Variants in BBS9 observed in about 807,000 individuals in gnomAD.
BBS9 encodes the protein Bardet-Biedl syndrome 9.
A neutral mutation model predicts 117.7 loss-of-function variants in BBS9; 89 were observed. The observed-to-expected ratio is 0.76, with a 90% confidence interval of 0.64 to 0.90. The LOEUF is 0.90. Among genes scored for constraint, BBS9 ranks in the 40% least tolerant of loss-of-function variants. The pLI is 0.00. For missense variants in BBS9, 982 were observed against 1,042.2 expected, an observed-to-expected ratio of 0.94 and a Z score of 0.80; for synonymous variants, 379 against 370.9, an observed-to-expected ratio of 1.02 and a Z score of -0.25.
chr7:33,169,495 T>C (rs932922917), intron 4 of BBS9, among the ~76,000 whole-genome samples: 1 of 150,970 alleles, frequency 6.6e-6, no homozygotes, highest in Non-Finnish European at 1.5e-5. Flanking sequence ...TTTTTAATGA[T>C]TGCCATTCTA....
Position 33,329,846 on chromosome 7 carries a change from TA to T in BBS9, c.1017-6591del, listed in dbSNP as rs1813633950. ...TCAAATATACCTTTTTAAAAAGTTT[TA>T]AAATGTACATTTTTTGATTTTGAAA... On this transcript the variant is annotated intron_variant, in intron 9 of 22. Coordinates refer to ENST00000242067, the MANE Select transcript of BBS9 (RefSeq NM_198428.3). Among the ~76,000 whole-genome samples the T allele has an allele frequency of 2.0e-5, 3 of 152,308 alleles. No individual in the cohort carries two copies. The South Asian group carries it at 6.2e-4, about 32-fold the overall frequency.
intron 4 of BBS9, among the ~76,000 whole-genome samples, chr7:33,168,330 A>T (rs1274911129): frequency 6.6e-6 from 1 of 151,854 alleles, no homozygotes; most frequent in African/African-American, 2.4e-5. Context: ...AATTACAAGA[A>T]TTTTTTTTTG....
rs370477043 is a variant in BBS9 at position 33,293,526 on chromosome 7, T to C, written c.1016+19570T>C. ...GACTTGTATTGTTTCTATTGAAATA[T>C]TGTTTCTGGAGGTCCCATGATGTCA... On this transcript the variant is annotated intron_variant, in intron 9 of 22. Coordinates refer to ENST00000242067, the MANE Select transcript of BBS9 (RefSeq NM_198428.3). 3.9e-5 allele frequency among the ~76,000 whole-genome samples: 6 copies of C among 152,240 alleles called. No homozygotes were observed. The East Asian group carries it at 7.7e-4, about 20-fold the overall frequency.
chr7:33,329,311 G>A (rs1345596695), intron 9 of BBS9, among the ~76,000 whole-genome samples: 9 of 152,074 alleles, frequency 5.9e-5, no homozygotes, highest in Non-Finnish European at 1.2e-4. Flanking sequence ...GTGAGCCACC[G>A]TGCCTGGCCC....
At chr7:33,467,815 G>A (rs1212143563) in intron 19 of BBS9, among the ~76,000 whole-genome samples, 2 of 148,170 alleles carry the variant, frequency 1.3e-5, no homozygotes, top group Non-Finnish European at 3.0e-5. Flanking sequence ...GTGCCTAGGT[G>A]AAACACTGGT....
chr7:33,262,935 GGATACT>G lies in BBS9; in HGVS notation c.618-1354_618-1349del, dbSNP rs538866962. ...TGCATACCTTCTGTTAATTAGCACA[GGATACT>G]CTGAGTTATACTTAGCTGTCTGTAT... On this transcript the variant is annotated intron_variant, in intron 6 of 22. Transcript: ENST00000242067. Among the ~76,000 whole-genome samples the G allele has an allele frequency of 3.8e-3, 572 of 152,252 alleles. 1 individual carries two copies. The highest frequency in any genetic ancestry group is 6.5e-3 in the Non-Finnish European group (444 of 68,012).
chr7:33,630,848 C>T (rs896031246), intron 21 of BBS9, among the ~76,000 whole-genome samples: 1 of 152,170 alleles, frequency 6.6e-6, no homozygotes, highest in African/African-American at 2.4e-5. Context: ...ACATTCATCT[C>T]ATAAATATTT....
intron 19 of BBS9, among the ~76,000 whole-genome samples, chr7:33,486,544 T>C (rs1843136921): frequency 6.6e-6 from 1 of 152,248 alleles, no homozygotes; most frequent in South Asian, 2.1e-4. Context: ...AATTGTATCA[T>C]TTCATATTTT....
At chr7:33,248,044 A>G (rs997076156) in intron 5 of BBS9, among the ~76,000 whole-genome samples, 3 of 152,234 alleles carry the variant, frequency 2.0e-5, no homozygotes, top group African/African-American at 4.8e-5. Flanking sequence ...AAAATTTGCT[A>G]TTAAAATTAG....
intron 20 of BBS9, among the ~76,000 whole-genome samples, chr7:33,520,136 G>A (rs61552776): frequency 0.062 from 9,455 of 151,806 alleles, 505 homozygotes; most frequent in African/African-American, 0.15. Flanking sequence ...AGCCTCTTGA[G>A]TAGCTGGGAT....
At chr7:33,294,738 G>T (rs1189139578) in intron 9 of BBS9, among the ~76,000 whole-genome samples, 1 of 152,174 alleles carries the variant, frequency 6.6e-6, no homozygotes, top group Non-Finnish European at 1.5e-5. Context: ...TTATATTCAT[G>T]AAGCCAAATT....
intron 13 of BBS9, among the ~76,000 whole-genome samples, chr7:33,349,709 G>A (rs898350913): frequency 1.3e-5 from 2 of 152,170 alleles, no homozygotes; most frequent in Admixed American, 1.3e-4. Context: ...AAGATTACAA[G>A]CGTGAGCCAC....
chr7:33,454,980 C>T (rs1427624310), intron 19 of BBS9, among the ~76,000 whole-genome samples: 1 of 152,150 alleles, frequency 6.6e-6, no homozygotes, highest in Non-Finnish European at 1.5e-5. Flanking sequence ...AGCTGTAAGA[C>T]CACTGGCAAG....
At chr7:33,138,657 C>T in intron 1 of BBS9, among the ~76,000 whole-genome samples, 1 of 150,968 alleles carries the variant, frequency 6.6e-6, no homozygotes, top group East Asian at 2.2e-4. Flanking sequence ...TTTTAAGAGA[C>T]AGGGTCTGGC....
intron 19 of BBS9, among the ~76,000 whole-genome samples, chr7:33,453,778 C>A (rs535285926): frequency 6.6e-6 from 1 of 152,154 alleles, no homozygotes; most frequent in Non-Finnish European, 1.5e-5. Context: ...CCTCGGCCTC[C>A]CAAAGTGCTG....
At chr7:33,559,666 G>T (rs1206391876) in intron 21 of BBS9, among the ~76,000 whole-genome samples, 1 of 152,048 alleles carries the variant, frequency 6.6e-6, no homozygotes, top group African/African-American at 2.4e-5. Flanking sequence ...CTTATATTAT[G>T]CAACCCCTAT....
chr7:33,514,476 C>G (rs369124006), intron 20 of BBS9, among the ~76,000 whole-genome samples: 7 of 152,176 alleles, frequency 4.6e-5, no homozygotes, highest in African/African-American at 4.8e-5. Flanking sequence ...CTGAGGTGCT[C>G]AGAACCACAG....
chr7:33,175,008 T>C (rs1277074440), intron 4 of BBS9, among the ~76,000 whole-genome samples: 1 of 152,208 alleles, frequency 6.6e-6, no homozygotes, highest in East Asian at 1.9e-4. Flanking sequence ...TATTGGTATA[T>C]AAAATCTATT....
intron 19 of BBS9, among the ~76,000 whole-genome samples, chr7:33,478,497 G>C (rs1046569905): frequency 6.6e-6 from 1 of 152,098 alleles, no homozygotes; most frequent in Non-Finnish European, 1.5e-5. Flanking sequence ...CTGATGTAAG[G>C]TGCAGTAGAG....
Sources: allele counts gnomAD v4.1 joint callset (sites outside exome capture counted in the v4.1 genomes callset), GRCh38; gene constraint gnomAD v4.1.1; transcripts MANE v1.5; gene names NCBI Gene and HGNC (gene_info 2026-07-23, HGNC 2026-07-21).